DICER1: variants seen among roughly 807,000 people sequenced by gnomAD.
DICER1 encodes endoribonuclease Dicer.
DICER1 carries 43 observed loss-of-function variants against 194.1 expected under a neutral mutation model. That is an observed-to-expected ratio of 0.22 (90% CI 0.17 to 0.29). DICER1 has a LOEUF of 0.29. Ranked by LOEUF, DICER1 falls within the 10% of genes least tolerant of loss-of-function variation. DICER1 has a pLI of 1.00. For missense variants in DICER1, 1,608 were observed against 2,317.0 expected, an observed-to-expected ratio of 0.69 and a Z score of 6.28; for synonymous variants, 832 against 820.5, an observed-to-expected ratio of 1.01 and a Z score of -0.24.
rs1276742807 is a variant in DICER1 at position 95,087,428 on chromosome 14, C to T, written c.*3070G>A. 1.3e-5 allele frequency: 3 copies of T among 232,868 alleles called. No homozygotes were observed. The highest frequency in any genetic ancestry group is 6.6e-5 in the African/African-American group (3 of 45,260). 14.4% of individuals were successfully genotyped at this position (232,868 alleles called of 1,614,324 possible). A position where few individuals can be genotyped will look rare whatever the true frequency, so the allele number is the denominator to read the frequency against. On this transcript the variant is annotated 3_prime_UTR_variant, in exon 27 of 27. Coordinates refer to ENST00000343455, the MANE Select transcript of DICER1 (RefSeq NM_177438.3). ...CATACTTTCACAAACAGTAAAAATG[C>T]CACAGACAAAAATGACCTATTTAAG...
chr14:95,132,676 A>G lies in DICER1; in HGVS notation c.146T>C (p.Val49Ala), dbSNP rs1060503624. The G allele has an allele frequency of 6.2e-7, 1 of 1,613,886 alleles. No homozygotes were observed. The change falls in exon 3 of 27, where the codon GTT becomes GCT. Residue 49 changes from valine (V) to alanine (A), a missense_variant and splice_region_variant. This residue lies in a region of DICER1 where 657 missense variants were observed against 910.1 expected (regional missense o/e 0.72). Coordinates refer to ENST00000343455, the MANE Select transcript of DICER1 (RefSeq NM_177438.3). ...ATCCAGAGCTGCTTCAAGCAGTTCA[A>G]CCTAGAAACATGGTGAAAAAAAAGT... is the stretch of plus-strand genomic sequence containing the variant. ...DNIYTPRKYQ[V>A]ELLEAALDHN...
chr14:95,140,406 A>C (rs546231094), intron 1 of DICER1, among the ~76,000 whole-genome samples: 1 of 152,314 alleles, frequency 6.6e-6, no homozygotes, highest in East Asian at 1.9e-4. Flanking sequence ...CAATATAGTA[A>C]CATGGTGTAC....
intron 21 of DICER1, among the ~76,000 whole-genome samples, chr14:95,101,288 G>T (rs567518911): frequency 7.9e-5 from 12 of 152,274 alleles, no homozygotes; most frequent in African/African-American, 2.9e-4. Flanking sequence ...CAGGCTGAGG[G>T]AGTGATCATT....
rs1889493877 is a variant in DICER1, at chr14:95,088,196, CCT to C, written c.*2300_*2301del. 4.3e-6 allele frequency: 1 copy of C among 232,342 alleles called. No individual in the cohort carries two copies. The highest frequency in any genetic ancestry group is 8.5e-6 in the Non-Finnish European group (1 of 117,424). 14.4% of individuals were successfully genotyped at this position (232,342 alleles called of 1,614,324 possible). A position where few individuals can be genotyped will look rare whatever the true frequency, so the allele number is the denominator to read the frequency against. On this transcript the variant is annotated 3_prime_UTR_variant, in exon 27 of 27. Transcript: ENST00000343455. ...TGAATGGTAGAAGGAAATTTGAACC[CCT>C]GAGAATGTATGACCTAATCATGTCT...
chr14:95,090,506 T>C lies in DICER1; in HGVS notation c.5761A>G (p.Asn1921Asp), dbSNP rs775077210. The change falls in exon 27 of 27, where the codon AAT becomes GAT. Residue 1921 changes from asparagine (N) to aspartate (D), a missense_variant. By Grantham distance (23) the Asn-to-Asp change is conservative. Around this residue, in one of 10 missense-constraint regions of DICER1, gnomAD observed 138 missense variants for 298.3 expected, o/e 0.46. Coordinates refer to ENST00000343455, the MANE Select transcript of DICER1 (RefSeq NM_177438.3). ...AATTTTAAAAAGCGGTTTCAGCTAT[T>C]GGGAACCTGAGGTTGATTAGCTTTG... is the stretch of plus-strand genomic sequence containing the variant. The part of the protein sequence containing the change: ...SLKANQPQVP[N>D]S 1 of 1,613,954 alleles carries C rather than the reference T, an allele frequency of 6.2e-7. No homozygotes were observed. The highest frequency in any genetic ancestry group is 2.2e-5 in the East Asian group (1 of 44,880).
chr14:95,122,925 CGT>C (rs1893060816), intron 8 of DICER1, among the ~76,000 whole-genome samples: 1 of 151,360 alleles, frequency 6.6e-6, no homozygotes, highest in Non-Finnish European at 1.5e-5. Context: ...CGCGTGTGCG[CGT>C]GCGTGTACGC....
Position 95,088,733 on chromosome 14 carries a change from G to A in DICER1, c.*1765C>T, listed in dbSNP as rs1356620549. 1 of 232,936 alleles carries A rather than the reference G, an allele frequency of 4.3e-6. No individual in the cohort carries two copies. The highest frequency in any genetic ancestry group is 2.2e-5 in the African/African-American group (1 of 45,296). The allele number at this position is 232,936 out of a possible 1,614,324, so 14.4% of individuals were successfully genotyped here. A position where few individuals can be genotyped will look rare whatever the true frequency, so the allele number is the denominator to read the frequency against. On this transcript the variant is annotated 3_prime_UTR_variant, in exon 27 of 27. Transcript: ENST00000343455. ...AGAAGCTTAATACCCCCCTCACTCA[G>A]GGTTCCTTAGAAAGCAGAGCTGACA...
At chr14:95,111,967 C>G (rs1337570518) in intron 13 of DICER1, among the ~76,000 whole-genome samples, 1 of 152,140 alleles carries the variant, frequency 6.6e-6, no homozygotes, top group Non-Finnish European at 1.5e-5. Flanking sequence ...TGTTTGCAGT[C>G]AAGCTATGGA....
Position 95,096,046 on chromosome 14 carries a change from G to T in DICER1, c.4874C>A (p.Ser1625Tyr), listed in dbSNP as rs864622653. 14 of 1,614,240 alleles carry T rather than the reference G, an allele frequency of 8.7e-6. No homozygotes were observed. The highest frequency in any genetic ancestry group is 1.0e-5 in the Non-Finnish European group (12 of 1,180,050). Reference sequence around the variant, plus strand: ...TACAGAAGAGCGTGAACTGGCCACAGAAGCAGCAGCACAGCTCACTGAAAG... The same window carrying T: ...TACAGAAGAGCGTGAACTGGCCACATAAGCAGCAGCACAGCTCACTGAAAG... ...KNLSVSCAAA[S>Y]VASSRSSVLK... The change falls in exon 23 of 27, where the codon TCT becomes TAT. Residue 1625 changes from serine (S) to tyrosine (Y), a missense_variant. By Grantham distance (144) the Ser-to-Tyr change is moderately radical. Coordinates refer to ENST00000343455, the MANE Select transcript of DICER1 (RefSeq NM_177438.3).
chr14:95,129,875 TATG>T (rs1203283819), intron 5 of DICER1, among the ~76,000 whole-genome samples, 180 bp downstream of exon 5: 1 of 152,226 alleles, frequency 6.6e-6, no homozygotes, highest in African/African-American at 2.4e-5. Flanking sequence ...TAGAATTTAT[TATG>T]ATGTTTAAAA....
chr14:95,133,217 T>C, intron 2 of DICER1, 98 bp downstream of exon 2: 1 of 1,314,244 alleles, frequency 7.6e-7, no homozygotes, highest in South Asian at 1.2e-5. Context: ...GTGGGAGGCC[T>C]GAAAGGGTAA....
chr14:95,154,069 A>G (rs1221463162), intron 1 of DICER1, among the ~76,000 whole-genome samples: 1 of 152,254 alleles, frequency 6.6e-6, no homozygotes, highest in Non-Finnish European at 1.5e-5. Flanking sequence ...CTTTCTCTTT[A>G]TACAAATTAA....
chr14:95,114,721 A>C (rs1892283165), intron 11 of DICER1, among the ~76,000 whole-genome samples: 1 of 152,166 alleles, frequency 6.6e-6, no homozygotes, highest in Non-Finnish European at 1.5e-5. Context: ...CAAGTGATCT[A>C]AGTTACCACC....
intron 1 of DICER1, among the ~76,000 whole-genome samples, chr14:95,139,128 A>T (rs956698690): frequency 6.6e-6 from 1 of 152,210 alleles, no homozygotes; most frequent in African/African-American, 2.4e-5. Flanking sequence ...TGACCAACTG[A>T]AAGTGTTTAA....
Position 95,115,784 on chromosome 14 carries a change from C to A in DICER1, c.1790G>T (p.Gly597Val). The A allele has an allele frequency of 6.2e-7, 1 of 1,614,102 alleles. No individual in the cohort carries two copies. The highest frequency in any genetic ancestry group is 8.5e-7 in the Non-Finnish European group (1 of 1,180,008). The change falls in exon 11 of 27, where the codon GGT becomes GTT. Residue 597 changes from glycine (G) to valine (V), a missense_variant. Physicochemically the swap from Gly to Val is moderately radical, Grantham distance 109. Around this residue, in one of 10 missense-constraint regions of DICER1, gnomAD observed 657 missense variants for 910.1 expected, o/e 0.72. Transcript: ENST00000343455. ...RNKCSKSVDT[G>V]ETDIDPVMDD... ...CATGACAGGATCAATGTCAGTCTCA[C>A]CAGTATCAACCGACTTGGAACACTT...
chr14:95,110,681 G>C (rs958514355), intron 14 of DICER1, among the ~76,000 whole-genome samples: 16 of 152,124 alleles, frequency 1.1e-4, no homozygotes, highest in Admixed American at 2.6e-4. Flanking sequence ...GTTCTTATGA[G>C]GTAAAAATAT....
chr14:95,124,727 T>C lies in DICER1; in HGVS notation c.904-59A>G, dbSNP rs1460807515. The C allele has an allele frequency of 1.5e-5, 21 of 1,407,174 alleles. No individual in the cohort carries two copies. Among genetic ancestry groups the C allele is most frequent in the Admixed American group, 6.9e-5 (4 of 57,930 alleles). 87.2% of individuals were successfully genotyped at this position (1,407,174 alleles called of 1,614,324 possible). A position where few individuals can be genotyped will look rare whatever the true frequency, so the allele number is the denominator to read the frequency against. ...AAATAATAATAATGTAGCATTTTCA[T>C]GTGGGGTTTAACTGGGATTTCAGTT... On this transcript the variant is annotated intron_variant, in intron 7 of 26. Transcript: ENST00000343455. This position sits in a 1 kb window ranked among gnomAD's most constrained non-coding sequence, Gnocchi z 4.5.
chr14:95,148,508 T>G (rs748319092), intron 1 of DICER1, among the ~76,000 whole-genome samples: 2 of 152,218 alleles, frequency 1.3e-5, no homozygotes, highest in Non-Finnish European at 2.9e-5. Context: ...CACAAATTCA[T>G]TAGCCTTCTT....
At chr14:95,131,189 TA>T (rs1250971840) in intron 4 of DICER1, among the ~76,000 whole-genome samples, 1 of 152,052 alleles carries the variant, frequency 6.6e-6, no homozygotes, top group Non-Finnish European at 1.5e-5. Context: ...CACGCCCGGC[TA>T]ATTTTTTTAT....
Sources: allele counts gnomAD v4.1 joint callset (sites outside exome capture counted in the v4.1 genomes callset), GRCh38; gene constraint gnomAD v4.1.1; regional missense constraint gnomAD v4.1.1; non-coding constraint Gnocchi (gnomAD v3.1); transcripts MANE v1.5; gene names NCBI Gene and HGNC (gene_info 2026-07-23, HGNC 2026-07-21).